The following FAM114A1 variants were observed in gnomAD, a reference collection of about 807,000 sequenced individuals.
FAM114A1 encodes the protein family with sequence similarity 114 member A1, also known as protein NOXP20.
Under a neutral mutation model 64.3 loss-of-function variants are expected in FAM114A1, and 62 were observed. That is an observed-to-expected ratio of 0.96 (90% confidence interval 0.79 to 1.19). The LOEUF is 1.19. Ranked by LOEUF, FAM114A1 falls within the 50% of genes most tolerant of loss-of-function variation. FAM114A1 has a pLI of 0.00. For synonymous variants in FAM114A1, 254 were observed against 251.1 expected (o/e 1.01, Z -0.11); for missense variants, 645 against 676.3 (o/e 0.95, Z 0.51).
At chr4:38,940,342 T>C (rs1387845419) in intron 13 of FAM114A1, among the ~76,000 whole-genome samples, 1 of 151,076 alleles carries the variant, frequency 6.6e-6, no homozygotes. Flanking sequence ...AGATGCCCTA[T>C]AACCAAGTTT....
intron 8 of FAM114A1, among the ~76,000 whole-genome samples, chr4:38,919,168 T>C (rs1015680786): frequency 2.6e-5 from 4 of 151,964 alleles, no homozygotes; most frequent in African/African-American, 7.2e-5. Flanking sequence ...TAATAAAAAT[T>C]AAAACGGTAA....
At chr4:38,936,655 C>G (rs902952050) in intron 13 of FAM114A1, among the ~76,000 whole-genome samples, 1 of 149,712 alleles carries the variant, frequency 6.7e-6, no homozygotes, top group Admixed American at 6.7e-5. Flanking sequence ...TGGGTTGAAG[C>G]GATTCTCCTG....
intron 7 of FAM114A1, 140 bp from the exon 8 acceptor site, chr4:38,914,781 C>T: frequency 1.1e-6 from 1 of 905,398 alleles, no homozygotes. Flanking sequence ...TCAAAAAAAT[C>T]ATTTTTTAGA....
At chr4:38,920,728 G>GA (rs1451655992) in intron 8 of FAM114A1, among the ~76,000 whole-genome samples, 2 of 152,194 alleles carry the variant, frequency 1.3e-5, no homozygotes, top group Non-Finnish European at 2.9e-5. Context: ...CTGCAGTTTA[G>GA]AAAATAGATC....
chr4:38,867,981 TG>T, intron 1 of FAM114A1, 147 bp downstream of exon 1: 1 of 367,130 alleles, frequency 2.7e-6, no homozygotes. Context: ...TGAGAAGCAG[TG>T]GTCAGGGAGG....
rs78879264 is a variant in FAM114A1 at position 38,879,608 on chromosome 4, C to T, written c.348+1182C>T. ...TGTCTGCGATGGGCTTCCTCAGGGG[C>T]AAGGTGTTTCCCTTCACTGGAAGTG... On this transcript the variant is annotated intron_variant, in intron 3 of 14. Transcript: ENST00000358869. 1.3e-4 allele frequency among the ~76,000 whole-genome samples: 20 copies of T among 152,018 alleles called. No individual in the cohort carries two copies. In the East Asian group the frequency reaches 3.1e-3, roughly 23 times the overall value.
chr4:38,911,233 G>C (rs1227181669), intron 7 of FAM114A1, among the ~76,000 whole-genome samples: 1 of 152,222 alleles, frequency 6.6e-6, no homozygotes, highest in Non-Finnish European at 1.5e-5. Flanking sequence ...TGAGAAAAAT[G>C]GGTGAAAGTG....
chr4:38,880,160 GA>G (rs1379448060), intron 3 of FAM114A1, among the ~76,000 whole-genome samples: 1 of 127,762 alleles, frequency 7.8e-6, no homozygotes, highest in Non-Finnish European at 1.7e-5. Context: ...GAATAGAATA[GA>G]ATAGAATAGA....
intron 12 of FAM114A1, among the ~76,000 whole-genome samples, chr4:38,934,436 G>T (rs552635901): frequency 6.6e-6 from 1 of 152,064 alleles, no homozygotes; most frequent in Non-Finnish European, 1.5e-5. Flanking sequence ...GGTGGATATA[G>T]CTCATAAAAC....
chr4:38,872,312 T>C (rs1714156695), intron 2 of FAM114A1, among the ~76,000 whole-genome samples: 1 of 152,208 alleles, frequency 6.6e-6, no homozygotes, highest in South Asian at 2.1e-4. Context: ...ACATAGTATA[T>C]GCTGAACTAT....
intron 8 of FAM114A1, among the ~76,000 whole-genome samples, chr4:38,917,022 T>C (rs933312194): frequency 2.0e-5 from 3 of 151,976 alleles, no homozygotes; most frequent in Admixed American, 1.3e-4. Context: ...ATGCAGTTCT[T>C]AGCCAGGCGC....
At chr4:38,905,926 T>C in intron 6 of FAM114A1, 65 bp downstream of exon 6, 9 of 1,412,456 alleles carry the variant, frequency 6.4e-6, no homozygotes, top group Non-Finnish European at 8.7e-6. Flanking sequence ...GATATTTCCA[T>C]TTACCAGTGA....
chr4:38,895,773 C>T (rs936702819), intron 4 of FAM114A1, among the ~76,000 whole-genome samples: 5 of 152,172 alleles, frequency 3.3e-5, no homozygotes, highest in African/African-American at 1.2e-4. Flanking sequence ...CCTATTGCGC[C>T]GAGGCTGCAA....
chr4:38,891,793 G>A lies in FAM114A1; in HGVS notation c.399G>A (p.Trp133Ter), dbSNP rs746057332. 39 of 1,612,438 alleles carry A rather than the reference G, an allele frequency of 2.4e-5. No homozygotes were observed. The Admixed American group carries it at 6.5e-4, about 27-fold the overall frequency. Reference protein sequence around the residue: ...SGGGWAGWGSWGKSLLSSASA... With the variant: ...SGGGWAGWGS ...GAGGATGGGCAGGCTGGGGATCCTG[G>A]GGCAAATCTCTGCTGTCGTCAGCAT... The change falls in exon 4 of 15, where the codon TGG (tryptophan) becomes TGA (stop). Residue 133 changes from tryptophan (W) to a stop codon, truncating the protein, a stop_gained. Transcript: ENST00000358869. LOFTEE classifies it high-confidence loss of function.
intron 3 of FAM114A1, among the ~76,000 whole-genome samples, chr4:38,886,893 A>C (rs1715866255): frequency 6.7e-6 from 1 of 148,702 alleles, no homozygotes; most frequent in Admixed American, 6.9e-5. Flanking sequence ...ACACCACTGC[A>C]CTCCAGCCTG....
intron 7 of FAM114A1, among the ~76,000 whole-genome samples, chr4:38,910,710 A>G (rs1718453847): frequency 6.6e-6 from 1 of 152,180 alleles, no homozygotes; most frequent in Non-Finnish European, 1.5e-5. Context: ...GCCATGCAGG[A>G]ACCTGAGTAA....
At chr4:38,917,770 G>C (rs1719214043) in intron 8 of FAM114A1, among the ~76,000 whole-genome samples, 1 of 152,210 alleles carries the variant, frequency 6.6e-6, no homozygotes, top group South Asian at 2.1e-4. Flanking sequence ...TAGTTTCTAG[G>C]AAGAAGGTTC....
intron 6 of FAM114A1, among the ~76,000 whole-genome samples, chr4:38,906,723 T>A (rs1256303304): frequency 6.6e-6 from 1 of 152,080 alleles, no homozygotes; most frequent in Non-Finnish European, 1.5e-5. Flanking sequence ...TTAGTAGAGA[T>A]GGGGTTTCAC....
chr4:38,931,102 T>C (rs1226279468), intron 10 of FAM114A1, among the ~76,000 whole-genome samples: 1 of 152,216 alleles, frequency 6.6e-6, no homozygotes, highest in African/African-American at 2.4e-5. Context: ...ATACTATTAT[T>C]CTTTTATAGA....
Sources: allele counts gnomAD v4.1 joint callset (sites outside exome capture counted in the v4.1 genomes callset), GRCh38; gene constraint gnomAD v4.1.1; transcripts MANE v1.5; gene names NCBI Gene and HGNC (gene_info 2026-07-23, HGNC 2026-07-21).